Variants in PHF14 observed in about 807,000 individuals in gnomAD.
The protein encoded by PHF14 is PHD finger protein 14.
PHF14 carries 55 observed loss-of-function variants against 117.9 expected under a neutral mutation model. The ratio of observed to expected loss-of-function variants is 0.47; its 90% CI spans 0.38 to 0.58. The LOEUF (loss-of-function observed/expected upper bound fraction) is 0.58. PHF14 is among the 20% of genes least tolerant of loss of function. The probability of loss-of-function intolerance (pLI) is 0.00; values close to 1 mark genes in which losing one functional copy is unlikely to be tolerated. For missense variants in PHF14, 978 were observed against 1,122.2 expected (o/e 0.87, Z 1.84); for synonymous variants, 409 against 368.6 (o/e 1.11, Z -1.26).
intron 16 of PHF14, among the ~76,000 whole-genome samples, chr7:11,078,106 G>A (rs572198859): frequency 2.0e-5 from 3 of 152,064 alleles, no homozygotes; most frequent in Non-Finnish European, 2.9e-5. Flanking sequence ...GTTTTCTGAC[G>A]AAAGAGAAGA....
chr7:10,988,054 T>C (rs1214539848), intron 3 of PHF14, among the ~76,000 whole-genome samples: 1 of 150,464 alleles, frequency 6.6e-6, no homozygotes, highest in African/African-American at 2.4e-5. Context: ...AAAAGAAAAC[T>C]GAGATCCTAA....
In PHF14 at chr7:11,028,664, C is replaced by T; in HGVS notation, c.1318-17C>T. On this transcript the variant is annotated splice_polypyrimidine_tract_variant and intron_variant, in intron 6 of 17. Transcript: ENST00000634607. ...AAATAAGTTTGCTTTGAGAATTTTTCTGTTACTTTGTTGTAGGAGTGTAGC... is the reference window on the plus strand; with the variant it reads ...AAATAAGTTTGCTTTGAGAATTTTTTTGTTACTTTGTTGTAGGAGTGTAGC... 6.2e-7 allele frequency: 1 copy of T among 1,612,156 alleles called. No individual in the cohort carries two copies. The highest frequency in any genetic ancestry group is 8.5e-7 in the Non-Finnish European group (1 of 1,179,006).
rs146229944 is a variant in PHF14 at position 11,011,457 on chromosome 7, A to G, written c.1046-2290A>G. Among the ~76,000 whole-genome samples, 716 of 152,230 alleles carry G rather than the reference A, an allele frequency of 4.7e-3. 9 individuals carry two copies. Among genetic ancestry groups the G allele is most frequent in the Middle Eastern group, 0.01 (3 of 292 alleles). The stretch of plus-strand genomic sequence containing the variant: ...GAGACGATCATGTTAAATGTTTCTC[A>G]CTGTGGCTTATTTAATGTCATCAGT... On this transcript the variant is annotated intron_variant, in intron 4 of 17. Transcript: ENST00000634607.
At chr7:11,062,567 C>T (rs1583425779) in intron 16 of PHF14, 1 of 354,022 alleles carries the variant, frequency 2.8e-6, no homozygotes, top group Non-Finnish European at 4.0e-6. Flanking sequence ...ATGCTTCTCC[C>T]TTACGAAATA....
chr7:11,019,939 C>T (rs1296363382), intron 5 of PHF14, among the ~76,000 whole-genome samples: 13 of 152,002 alleles, frequency 8.6e-5, no homozygotes, highest in Admixed American at 2.6e-4. Context: ...CATTACTATT[C>T]GTCATACTCT....
At chr7:11,071,354 T>C (rs1785606415) in intron 16 of PHF14, 3 of 486,494 alleles carry the variant, frequency 6.2e-6, no homozygotes, top group Admixed American at 4.4e-5. Context: ...TATTCTGTGA[T>C]TATGTAGACT....
chr7:11,114,367 T>C (rs1359586271), intron 17 of PHF14, among the ~76,000 whole-genome samples: 1 of 152,098 alleles, frequency 6.6e-6, no homozygotes, highest in African/African-American at 2.4e-5. Flanking sequence ...ATATATTACT[T>C]TGTCTTTCAA....
intron 17 of PHF14, among the ~76,000 whole-genome samples, chr7:11,163,669 C>A (rs1351384065): frequency 6.6e-6 from 1 of 152,164 alleles, no homozygotes; most frequent in East Asian, 1.9e-4. Context: ...CAGTCTGAAG[C>A]ATGCAGTGTG....
chr7:10,998,324 G>A (rs1782736668), intron 4 of PHF14, among the ~76,000 whole-genome samples: 1 of 152,096 alleles, frequency 6.6e-6, no homozygotes, highest in African/African-American at 2.4e-5. Flanking sequence ...CATTAGCAGA[G>A]AGTGGGACAG....
chr7:11,026,248 C>T (rs1288290165), intron 6 of PHF14, among the ~76,000 whole-genome samples: 1 of 152,116 alleles, frequency 6.6e-6, no homozygotes, highest in African/African-American at 2.4e-5. Flanking sequence ...TTGCTGAAGG[C>T]TCAAGTGATC....
intron 16 of PHF14, among the ~76,000 whole-genome samples, chr7:11,077,693 C>T (rs1279098987): frequency 2.0e-5 from 3 of 150,578 alleles, no homozygotes; most frequent in Non-Finnish European, 4.4e-5. Context: ...CGTACATAGT[C>T]TCTTGTTTGC....
chr7:11,076,932 T>C (rs148156349), intron 16 of PHF14, among the ~76,000 whole-genome samples: 17 of 151,842 alleles, frequency 1.1e-4, no homozygotes, highest in Non-Finnish European at 2.5e-4. Flanking sequence ...TAAGATATGT[T>C]AGTATCTCAA....
intron 4 of PHF14, among the ~76,000 whole-genome samples, chr7:10,992,173 C>CCT (rs1782482989): frequency 6.6e-6 from 1 of 151,510 alleles, no homozygotes; most frequent in African/African-American, 2.4e-5. Context: ...CCTGCCTCAG[C>CCT]CTCCCGAGTA....
intron 12 of PHF14, 77 bp from the exon 13 acceptor site, chr7:11,042,606 T>G: frequency 9.9e-7 from 1 of 1,014,944 alleles, no homozygotes; most frequent in Non-Finnish European, 1.4e-6. Context: ...TTTTGTAAGT[T>G]GAAAAATATG....
intron 7 of PHF14, 25 bp downstream of exon 7, chr7:11,028,843 G>C (rs773529765): frequency 6.3e-5 from 101 of 1,602,164 alleles, no homozygotes; most frequent in Non-Finnish European, 8.3e-5. Context: ...ACCCATAGTT[G>C]GTGAACATGT....
At chr7:11,078,925 A>G (rs2128335697) in intron 16 of PHF14, among the ~76,000 whole-genome samples, 1 of 152,246 alleles carries the variant, frequency 6.6e-6, no homozygotes, top group South Asian at 2.1e-4. Flanking sequence ...TATGAATTAT[A>G]TTATCTACAT....
intron 16 of PHF14, among the ~76,000 whole-genome samples, chr7:11,079,642 G>A (rs1455004370): frequency 6.6e-6 from 1 of 152,078 alleles, no homozygotes; most frequent in Non-Finnish European, 1.5e-5. Context: ...TGTAGGGGAA[G>A]AGTGACCAAG....
At chr7:11,114,425 T>C (rs1244241343) in intron 17 of PHF14, among the ~76,000 whole-genome samples, 1 of 151,918 alleles carries the variant, frequency 6.6e-6, no homozygotes, top group Non-Finnish European at 1.5e-5. Flanking sequence ...AATTTCTATC[T>C]TTACCCCTGT....
rs757202445 is a variant in PHF14 at position 11,035,771 on chromosome 7, A to G, written c.1587A>G (p.Leu529=). Residue 529 remains leucine, a synonymous_variant, in exon 8 of 18, where the codon CTA becomes CTG. Transcript: ENST00000634607. Reference sequence around the variant, plus strand: ...CTTTGCAAGAGAGAGAGAAGCAACTATCACCAGAAGCACAGGTATGGGATT... The same window carrying G: ...CTTTGCAAGAGAGAGAGAAGCAACTGTCACCAGAAGCACAGGTATGGGATT... The part of the protein sequence containing the change: ...KMSLQEREKQ[L]SPEAQARINA... 6 of 1,606,782 alleles carry G rather than the reference A, an allele frequency of 3.7e-6. No individual in the cohort carries two copies. Among genetic ancestry groups the G allele is most frequent in the African/African-American group, 2.7e-5 (2 of 74,578 alleles).
Sources: allele counts gnomAD v4.1 joint callset (sites outside exome capture counted in the v4.1 genomes callset), GRCh38; gene constraint gnomAD v4.1.1; transcripts MANE v1.5; gene names NCBI Gene and HGNC (gene_info 2026-07-23, HGNC 2026-07-21).